The following KCNK13 variants were observed in gnomAD, a reference collection of about 807,000 sequenced individuals.
The protein encoded by KCNK13 is potassium two pore domain channel subfamily K member 13, also known as potassium channel subfamily K member 13.
A neutral mutation model predicts 23.4 loss-of-function variants in KCNK13; 12 were observed. The observed-to-expected ratio is 0.51, with a 90% CI of 0.33 to 0.83. The LOEUF (loss-of-function observed/expected upper bound fraction) is 0.83. KCNK13 is among the 40% of genes least tolerant of loss of function. KCNK13 has a pLI of 0.02. For missense variants in KCNK13, 463 were observed against 556.3 expected (o/e 0.83, Z 1.69); for synonymous variants, 231 against 229.5 (o/e 1.01, Z -0.06).
In KCNK13 at chr14:90,171,435, G is replaced by A. The variant is rs139611859; in HGVS notation, c.335-12676G>A. On this transcript the variant is annotated intron_variant, in intron 1 of 1. Coordinates refer to ENST00000282146, the MANE Select transcript of KCNK13 (RefSeq NM_022054.4). ...CTGCTTTTTTGATTTGTATAAAGCA[G>A]ATTATGATTGTGGACCCTGAACATG... Among the ~76,000 whole-genome samples, 688 of 152,352 alleles carry A rather than the reference G, an allele frequency of 4.5e-3. 1 individual carries two copies. The highest frequency in any genetic ancestry group is 0.016 in the African/African-American group (663 of 41,580).
chr14:90,139,787 T>A lies in KCNK13; in HGVS notation c.335-44324T>A, dbSNP rs57472325. On this transcript the variant is annotated intron_variant, in intron 1 of 1. Coordinates refer to ENST00000282146, the MANE Select transcript of KCNK13 (RefSeq NM_022054.4). ...GACCAGCTTGGGCAACATGGCAAAATCCCATCTCCACTAAAAATACAAAAA... is the reference window on the plus strand; with the variant it reads ...GACCAGCTTGGGCAACATGGCAAAAACCCATCTCCACTAAAAATACAAAAA... 2.6e-5 allele frequency among the ~76,000 whole-genome samples: 4 copies of A among 151,664 alleles called. No individual in the cohort carries two copies. The East Asian group carries it at 7.8e-4, about 30-fold the overall frequency.
intron 1 of KCNK13, among the ~76,000 whole-genome samples, chr14:90,172,410 C>T (rs999326828): frequency 6.6e-6 from 1 of 151,840 alleles, no homozygotes; most frequent in Non-Finnish European, 1.5e-5. Context: ...TACAGGAGTT[C>T]CTCGAGGGCG....
rs1890158376 is a variant in KCNK13, at chr14:90,153,384, A to G, written c.335-30727A>G. Reference sequence around the variant, plus strand: ...CCTCTATAAGTCTCTGTAAAATAGAAACTTAATACCAGTACTATCTATCTC... The same window carrying G: ...CCTCTATAAGTCTCTGTAAAATAGAGACTTAATACCAGTACTATCTATCTC... On this transcript the variant is annotated intron_variant, in intron 1 of 1. Coordinates refer to ENST00000282146, the MANE Select transcript of KCNK13 (RefSeq NM_022054.4). Among the ~76,000 whole-genome samples the G allele has an allele frequency of 2.0e-5, 3 of 152,244 alleles. No individual in the cohort carries two copies. The South Asian group carries it at 6.2e-4, about 32-fold the overall frequency.
chr14:90,184,733 CCG>C lies in KCNK13; in HGVS notation c.958_959del (p.Arg320GlufsTer16). On this transcript the variant is annotated frameshift_variant, in exon 2 of 2. Coordinates refer to ENST00000282146, the MANE Select transcript of KCNK13 (RefSeq NM_022054.4). LOFTEE classifies it high-confidence loss of function. This position sits in a 1 kb window ranked among gnomAD's most constrained non-coding sequence, Gnocchi z 5.6. Reference protein sequence around the residue: ...RRNVVMPGSVRNRCNISIETD... With the variant: ...RRNVVMPGSVXNRCNISIETD... ...GGAACGTGGTGATGCCAGGCAGCGT[CCG>C]GAACCGCTGCAACATCTCCATAGAG... is the stretch of plus-strand genomic sequence containing the variant. The C allele has an allele frequency of 6.2e-7, 1 of 1,614,162 alleles. No homozygotes were observed. The highest frequency in any genetic ancestry group is 1.1e-5 in the South Asian group (1 of 91,088).
chr14:90,073,443 A>T (rs1889099961), intron 1 of KCNK13, among the ~76,000 whole-genome samples: 1 of 152,152 alleles, frequency 6.6e-6, no homozygotes, highest in African/African-American at 2.4e-5. Flanking sequence ...CCCAGATGTC[A>T]CTTCCTGACT....
At chr14:90,086,878 C>A (rs1889281752) in intron 1 of KCNK13, among the ~76,000 whole-genome samples, 1 of 151,882 alleles carries the variant, frequency 6.6e-6, no homozygotes, top group African/African-American at 2.4e-5. Flanking sequence ...TATTTACTGG[C>A]ATCCAACTAA....
rs1427024466 is a variant in KCNK13 at position 90,062,365 on chromosome 14, G to A, written c.160G>A (p.Glu54Lys). 1 of 1,556,226 alleles carries A rather than the reference G, an allele frequency of 6.4e-7. No homozygotes were observed. The highest frequency in any genetic ancestry group is 1.4e-5 in the African/African-American group (1 of 73,158). ...CGAGCGCCAGGCCAAGCAGCGCTGG[G>A]AGGAGCGCCTGGCCAACTTCAGCCG... ...AHERQAKQRWEERLANFSRGH... is the reference protein window; with the variant it reads ...AHERQAKQRWKERLANFSRGH... The change falls in exon 1 of 2, where the codon GAG becomes AAG. Residue 54 changes from glutamate (E) to lysine (K), a missense_variant. Physicochemically the swap from Glu to Lys is moderately conservative, Grantham distance 56 (BLOSUM62 1). Coordinates refer to ENST00000282146, the MANE Select transcript of KCNK13 (RefSeq NM_022054.4). This position sits in a 1 kb window ranked among gnomAD's most constrained non-coding sequence, Gnocchi z 4.5.
At chr14:90,138,596 G>A in intron 1 of KCNK13, among the ~76,000 whole-genome samples, 1 of 152,332 alleles carries the variant, frequency 6.6e-6, no homozygotes, top group Admixed American at 6.5e-5. Flanking sequence ...TATATAAAAT[G>A]TCAGAGAAGG....
At chr14:90,074,393 T>C (rs1889112607) in intron 1 of KCNK13, among the ~76,000 whole-genome samples, 1 of 152,260 alleles carries the variant, frequency 6.6e-6, no homozygotes, top group Non-Finnish European at 1.5e-5. Context: ...AAGATTTTTA[T>C]AGAGCCAAAT....
At position 90,066,916 on chromosome 14, in the gene KCNK13, G is replaced by A. The variant is rs191202831; in HGVS notation, c.334+4377G>A. Among the ~76,000 whole-genome samples, 44 of 152,232 alleles carry A rather than the reference G, an allele frequency of 2.9e-4. No homozygotes were observed. In the East Asian group the frequency reaches 4.0e-3, roughly 14 times the overall value. Reference sequence around the variant, plus strand: ...CCAAACAACCCAAGTGCCCATCAACGGATGAATGAATTAACCAAATGTGGG... The same window carrying A: ...CCAAACAACCCAAGTGCCCATCAACAGATGAATGAATTAACCAAATGTGGG... On this transcript the variant is annotated intron_variant, in intron 1 of 1. Transcript: ENST00000282146.
chr14:90,074,403 T>C (rs892039828), intron 1 of KCNK13, among the ~76,000 whole-genome samples: 13 of 152,240 alleles, frequency 8.5e-5, no homozygotes, highest in African/African-American at 3.1e-4. Context: ...TAGAGCCAAA[T>C]ACACTCACTT....
At position 90,143,146 on chromosome 14, in the gene KCNK13, A is replaced by ACTTTCTTTCTTTCTTT. The variant is rs577709163; in HGVS notation, c.335-40948_335-40933dup. On this transcript the variant is annotated intron_variant, in intron 1 of 1. Coordinates refer to ENST00000282146, the MANE Select transcript of KCNK13 (RefSeq NM_022054.4). ...TCCCTGTTTTAGGAGAAGAGCAGAA[A>ACTTTCTTTCTTTCTTT]CTTTCTTTCTTTCTTTCTTTCTTTC... 3.8e-4 allele frequency among the ~76,000 whole-genome samples: 44 copies of ACTTTCTTTCTTTCTTT among 115,774 alleles called. 1 individual carries two copies. Among genetic ancestry groups the ACTTTCTTTCTTTCTTT allele is most frequent in the African/African-American group, 6.9e-4 (22 of 31,862 alleles). 76.0% of individuals were successfully genotyped at this position (115,774 alleles called of 152,430 possible). A position where few individuals can be genotyped will look rare whatever the true frequency, so the allele number is the denominator to read the frequency against.
chr14:90,100,530 A>G (rs925668163), intron 1 of KCNK13, among the ~76,000 whole-genome samples: 3 of 152,202 alleles, frequency 2.0e-5, no homozygotes, highest in African/African-American at 7.2e-5. Context: ...GGGAGGCCGC[A>G]AAGTGTGAAG....
rs1888954868 is a variant in KCNK13, at chr14:90,062,385, C to G, written c.180C>G (p.Phe60Leu). The G allele has an allele frequency of 6.5e-7, 1 of 1,550,386 alleles. No individual in the cohort carries two copies. The highest frequency in any genetic ancestry group is 1.4e-5 in the African/African-American group (1 of 72,974). The change falls in exon 1 of 2, where the codon TTC becomes TTG. Residue 60 changes from phenylalanine (F) to leucine (L), a missense_variant. Coordinates refer to ENST00000282146, the MANE Select transcript of KCNK13 (RefSeq NM_022054.4). The surrounding 1 kb of genome is among the most constrained non-coding windows in gnomAD (Gnocchi z 4.5). ...KQRWEERLAN[F>L]SRGHNLSRDE... ...GCTGGGAGGAGCGCCTGGCCAACTT[C>G]AGCCGCGGCCACAACCTGAGCCGCG...
chr14:90,184,699 G>A lies in KCNK13; in HGVS notation c.923G>A (p.Arg308Gln), dbSNP rs772965269. Residue 308 changes from arginine to glutamine, a missense_variant, in exon 2 of 2, where the codon CGA becomes CAA. Arg to Gln is a conservative substitution (Grantham distance 43). Transcript: ENST00000282146. The surrounding 1 kb of genome is among the most constrained non-coding windows in gnomAD (Gnocchi z 5.6). ...CCPQCQRGLL[R>Q]SRRNVVMPGS... is the part of the protein sequence containing the mutation. ...CCGCAATGCCAGAGAGGACTCTTGC[G>A]ATCACGCAGGAACGTGGTGATGCCA... The A allele has an allele frequency of 1.6e-5, 26 of 1,614,088 alleles. No homozygotes were observed. The highest frequency in any genetic ancestry group is 1.6e-4 in the Middle Eastern group (1 of 6,084).
chr14:90,064,327 C>CTCTTGGTGCTCCCAGTGGGCACAGAG (rs1888982440), intron 1 of KCNK13, among the ~76,000 whole-genome samples: 1 of 118,486 alleles, frequency 8.4e-6, no homozygotes, highest in African/African-American at 2.7e-5. Context: ...GAAAAACCAT[C>CTCTTGGTGCTCCCAGTGGGCACAGAG]TCTTGGTGCT....
chr14:90,075,653 A>AT (rs1484551579), intron 1 of KCNK13, among the ~76,000 whole-genome samples: 3 of 151,566 alleles, frequency 2.0e-5, no homozygotes, highest in Middle Eastern at 3.2e-3. Flanking sequence ...TAATTTTTGT[A>AT]TTTTTTTAGT....
intron 1 of KCNK13, among the ~76,000 whole-genome samples, chr14:90,127,041 A>G (rs1889809349): frequency 1.3e-5 from 2 of 152,324 alleles, no homozygotes; most frequent in East Asian, 1.9e-4. Flanking sequence ...AAAAGACATT[A>G]GGGAAAAATA....
intron 1 of KCNK13, among the ~76,000 whole-genome samples, chr14:90,134,306 A>G (rs1203222190): frequency 6.6e-6 from 1 of 152,174 alleles, no homozygotes; most frequent in Non-Finnish European, 1.5e-5. Flanking sequence ...CTAGAAAAAC[A>G]TCTGCAAGTT....
Sources: allele counts gnomAD v4.1 joint callset (sites outside exome capture counted in the v4.1 genomes callset), GRCh38; gene constraint gnomAD v4.1.1; non-coding constraint Gnocchi (gnomAD v3.1); transcripts MANE v1.5; gene names NCBI Gene and HGNC (gene_info 2026-07-23, HGNC 2026-07-21).